HOXC5: variants seen among roughly 807,000 people sequenced by gnomAD.
HOXC5 encodes the protein homeobox protein Hox-C5.
A neutral mutation model predicts 20.1 loss-of-function variants in HOXC5; 19 were observed. The ratio of observed to expected loss-of-function variants is 0.94; its 90% confidence interval spans 0.66 to 1.38. HOXC5 has a LOEUF of 1.38. Among genes scored for constraint, HOXC5 ranks in the 40% most tolerant of loss-of-function variants. The probability of loss-of-function intolerance (pLI) is 0.00; values close to 1 mark genes in which losing one functional copy is unlikely to be tolerated. For synonymous variants in HOXC5, 124 were observed against 117.0 expected (o/e 1.06, Z -0.39); for missense variants, 330 against 300.1 (o/e 1.10, Z -0.74).
At chr12:54,028,283 C>A (rs903308740), upstream of HOXC5, 1 of 316,808 alleles carries the variant, frequency 3.2e-6, no homozygotes, top group Non-Finnish European at 5.8e-6. Context: ...TAAAAGAAAT[C>A]CAAGTCTTAC....
At chr12:54,028,970 T>C, upstream of HOXC5, 1 of 1,525,800 alleles carries the variant, frequency 6.6e-7, no homozygotes, top group Non-Finnish European at 8.8e-7. Flanking sequence ...GAACTGGCTT[T>C]ATGACCGGCT....
Position 54,033,191 on chromosome 12 carries a change from T to A in HOXC5, c.69T>A (p.Thr23=), listed in dbSNP as rs1160729046. Reference sequence around the variant, plus strand: ...ATATCCCTGCCTATAACATGCAAACTTGTGGGAACTATGGATCGGCCTCAG... The same window carrying A: ...ATATCCCTGCCTATAACATGCAAACATGTGGGAACTATGGATCGGCCTCAG... ...SPNIPAYNMQ[T]CGNYGSASEV... is the part of the protein sequence containing the mutation. Residue 23 remains threonine, a synonymous_variant, in exon 1 of 2, where the codon ACT becomes ACA. Coordinates refer to ENST00000312492, the MANE Select transcript of HOXC5 (RefSeq NM_018953.4). The A allele has an allele frequency of 1.2e-6, 2 of 1,614,140 alleles. No individual in the cohort carries two copies. Among genetic ancestry groups the A allele is most frequent in the East Asian group, 4.5e-5 (2 of 44,874 alleles).
chr12:54,026,971 G>C, the HOXC5 span, among the ~76,000 whole-genome samples: 2 of 138,436 alleles, frequency 1.4e-5, no homozygotes, highest in Non-Finnish European at 3.3e-5. Context: ...TGGTGGGGGG[G>C]GGGGGATATG....
At chr12:54,031,096 G>A (rs1940968106), upstream of HOXC5, among the ~76,000 whole-genome samples, 1 of 152,236 alleles carries the variant, frequency 6.6e-6, no homozygotes, top group South Asian at 2.1e-4. Context: ...GCTGGGATCA[G>A]TCGGTTTGGG....
chr12:54,028,409 A>AT (rs1351770266), upstream of HOXC5: 19 of 1,230,108 alleles, frequency 1.5e-5, no homozygotes, highest in Non-Finnish European at 1.8e-5. Context: ...TGACTTTGTC[A>AT]TTTTGTCTGT....
chr12:54,034,595 T>C lies in HOXC5; in HGVS notation c.*103T>C. 2.1e-6 allele frequency: 2 copies of C among 933,710 alleles called. No individual in the cohort carries two copies. Among genetic ancestry groups the C allele is most frequent in the Non-Finnish European group, 3.2e-6 (2 of 615,600 alleles). The allele number at this position is 933,710 out of a possible 1,614,324, so 57.8% of individuals were successfully genotyped here. ...TATATTTCGGGTCGGGGGCAGGTGC[T>C]GGAGCACTGGGCTCCCGGGCCCCAC... On this transcript the variant is annotated 3_prime_UTR_variant, in exon 2 of 2. Transcript: ENST00000312492.
chr12:54,031,235 C>T (rs61921795), upstream of HOXC5, among the ~76,000 whole-genome samples: 59 of 152,196 alleles, frequency 3.9e-4, no homozygotes, highest in Non-Finnish European at 7.5e-4. Flanking sequence ...CACCCACTCC[C>T]GGGAGTTGGA....
At chr12:54,022,183 C>A in the HOXC5 span, 1 of 152,154 alleles carries the variant, frequency 6.6e-6, no homozygotes, top group African/African-American at 2.4e-5. Flanking sequence ...CCCCCACTAC[C>A]CCACTCCTTT....
the HOXC5 span, chr12:54,017,453 G>A: frequency 7.0e-6 from 1 of 141,926 alleles, no homozygotes; most frequent in Non-Finnish European, 1.5e-5. Flanking sequence ...GTAACTAATG[G>A]TCCGTGGCGG....
chr12:54,024,257 C>T, the HOXC5 span, among the ~76,000 whole-genome samples: 1 of 152,084 alleles, frequency 6.6e-6, no homozygotes, highest in South Asian at 2.1e-4. Flanking sequence ...GGGGCAGGGT[C>T]GGGCAGCTGC....
At chr12:54,030,424 C>T (rs1025456807), upstream of HOXC5, 2 of 153,496 alleles carry the variant, frequency 1.3e-5, no homozygotes, top group African/African-American at 4.8e-5. Flanking sequence ...GAGGGCGCGC[C>T]TTGGCCCCAC....
At chr12:54,025,615 C>T in the HOXC5 span, among the ~76,000 whole-genome samples, 1 of 152,050 alleles carries the variant, frequency 6.6e-6, no homozygotes, top group Non-Finnish European at 1.5e-5. Context: ...CCCCTTCTCT[C>T]CCCCTTCCAG....
At chr12:54,018,793 G>C in the HOXC5 span, among the ~76,000 whole-genome samples, 1 of 152,094 alleles carries the variant, frequency 6.6e-6, no homozygotes, top group Non-Finnish European at 1.5e-5. Flanking sequence ...AGGTCCGAGA[G>C]AACCTGGGGG....
chr12:54,028,126 C>T (rs1940804151), upstream of HOXC5, among the ~76,000 whole-genome samples: 1 of 152,110 alleles, frequency 6.6e-6, no homozygotes, highest in South Asian at 2.1e-4. Flanking sequence ...GCTCTGGCCA[C>T]AGCACAGCAA....
At chr12:54,033,641 A>G in intron 1 of HOXC5, 65 bp downstream of exon 1, 1 of 1,335,892 alleles carries the variant, frequency 7.5e-7, no homozygotes, top group Non-Finnish European at 9.9e-7. Context: ...ATGCGGGGCA[A>G]ATAAAGAAAA....
At chr12:54,023,063 C>A in the HOXC5 span, among the ~76,000 whole-genome samples, 2 of 152,170 alleles carry the variant, frequency 1.3e-5, no homozygotes, top group Admixed American at 6.5e-5. Context: ...CCTCAAGTGT[C>A]CCTAGGCATC....
At chr12:54,028,308 C>A (rs1411853892), upstream of HOXC5, 4 of 473,184 alleles carry the variant, frequency 8.5e-6, no homozygotes, top group Non-Finnish European at 1.1e-5. Flanking sequence ...AAAGCACACA[C>A]TTAGTCTCAA....
rs1169529552 is a variant in HOXC5, at chr12:54,033,724, G to A, written c.454+148G>A. The A allele has an allele frequency of 1.7e-4, 114 of 686,254 alleles. 1 individual carries two copies. In the East Asian group the frequency reaches 3.1e-3, roughly 19 times the overall value. 42.5% of individuals were successfully genotyped at this position (686,254 alleles called of 1,614,324 possible). On this transcript the variant is annotated intron_variant, in intron 1 of 1. Coordinates refer to ENST00000312492, the MANE Select transcript of HOXC5 (RefSeq NM_018953.4). ...AAACTGTCCACTAAAAGGCTTAGAG[G>A]CTGTGTGCGCCCAAATTTACGACGA...
upstream of HOXC5, among the ~76,000 whole-genome samples, chr12:54,032,060 A>G (rs1325474152): frequency 6.6e-6 from 1 of 152,016 alleles, no homozygotes; most frequent in African/African-American, 2.4e-5. Flanking sequence ...ATTAACATCT[A>G]TTTTCTGTCT....
Sources: allele counts gnomAD v4.1 joint callset (sites outside exome capture counted in the v4.1 genomes callset), GRCh38; gene constraint gnomAD v4.1.1; transcripts MANE v1.5; gene names NCBI Gene and HGNC (gene_info 2026-07-23, HGNC 2026-07-21).